Variants in TMEM255B observed in about 807,000 individuals in gnomAD.
The protein encoded by TMEM255B is family with sequence similarity 70, member B.
A neutral mutation model predicts 34.5 loss-of-function variants in TMEM255B; 35 were observed. The ratio of observed to expected loss-of-function variants is 1.01; its 90% confidence interval spans 0.77 to 1.34. The LOEUF (loss-of-function observed/expected upper bound fraction) is 1.34, where lower values mean the gene tolerates loss of function less well. TMEM255B is among the 40% of genes most tolerant of loss of function. The pLI is 0.00. For missense variants in TMEM255B, 432 were observed against 433.2 expected, an observed-to-expected ratio of 1.00 and a Z score of 0.02; for synonymous variants, 206 against 201.2, an observed-to-expected ratio of 1.02 and a Z score of -0.20.
intron 1 of TMEM255B, 21 bp downstream of exon 1, chr13:113,759,336 T>C (rs2050253474): frequency 1.6e-6 from 2 of 1,229,046 alleles, no homozygotes; most frequent in Non-Finnish European, 2.0e-6. Flanking sequence ...GGCTGGGGGC[T>C]CGTCTCGGCT....
intron 8 of TMEM255B, among the ~76,000 whole-genome samples, chr13:113,807,175 G>A (rs547402562): frequency 2.7e-4 from 41 of 152,332 alleles, no homozygotes; most frequent in Non-Finnish European, 2.2e-4. Flanking sequence ...GAGACAGTGA[G>A]GCTTTGTGGA....
intron 3 of TMEM255B, among the ~76,000 whole-genome samples, chr13:113,792,486 C>G (rs1235413106): frequency 6.6e-6 from 1 of 152,216 alleles, no homozygotes; most frequent in East Asian, 1.9e-4. Flanking sequence ...TGAGGAAATT[C>G]TGTTTATTCT....
rs182385097 is a variant in TMEM255B at position 113,795,452 on chromosome 13, A to T, written c.342+215A>T. Among the ~76,000 whole-genome samples, 71 of 151,842 alleles carry T rather than the reference A, an allele frequency of 4.7e-4. No individual in the cohort carries two copies. In the East Asian group the frequency reaches 0.011, roughly 23 times the overall value. On this transcript the variant is annotated intron_variant, in intron 4 of 8. Coordinates refer to ENST00000375353, the MANE Select transcript of TMEM255B (RefSeq NM_182614.4). ...ACAGACTACACACACCACACAACAC[A>T]CAGAGCACACAGCACACACCACAAC...
chr13:113,777,269 T>C (rs2050594596), intron 3 of TMEM255B, among the ~76,000 whole-genome samples: 1 of 151,954 alleles, frequency 6.6e-6, no homozygotes, highest in Non-Finnish European at 1.5e-5. Flanking sequence ...CCCTCTCCTC[T>C]ATCTCTCTGT....
chr13:113,780,492 T>A (rs1461444342), intron 3 of TMEM255B, among the ~76,000 whole-genome samples: 1 of 152,212 alleles, frequency 6.6e-6, no homozygotes, highest in Non-Finnish European at 1.5e-5. Context: ...AAGCTGTCAA[T>A]AGCTCGCAAG....
At chr13:113,800,547 C>T (rs116516694) in intron 5 of TMEM255B, among the ~76,000 whole-genome samples, 2,224 of 152,222 alleles carry the variant, frequency 0.015, 50 homozygotes, top group South Asian at 0.048. Context: ...CCTGATATTT[C>T]CCTCTGCTCC....
Position 113,799,330 on chromosome 13 carries a change from T to C in TMEM255B, c.343-9T>C. The C allele has an allele frequency of 6.2e-7, 1 of 1,613,752 alleles. No homozygotes were observed. The highest frequency in any genetic ancestry group is 8.5e-7 in the Non-Finnish European group (1 of 1,179,954). ...GTTTTATTCCATCTGTGTTTATCTG[T>C]TTCTCTAGGAACCGAGGCCCCTCAC... is the stretch of plus-strand genomic sequence containing the variant. On this transcript the variant is annotated splice_polypyrimidine_tract_variant and intron_variant, in intron 4 of 8. Coordinates refer to ENST00000375353, the MANE Select transcript of TMEM255B (RefSeq NM_182614.4).
intron 3 of TMEM255B, among the ~76,000 whole-genome samples, chr13:113,792,417 A>AG (rs1201700084): frequency 1.3e-5 from 2 of 152,116 alleles, no homozygotes; most frequent in African/African-American, 4.8e-5. Flanking sequence ...CCTCTGCCCC[A>AG]CCTCAGTGGG....
rs2050758054 is a variant in TMEM255B, at chr13:113,787,106, A to G, written c.253-8042A>G. On this transcript the variant is annotated intron_variant, in intron 3 of 8. Transcript: ENST00000375353. ...AACATGTGAAAATATGTCATAATTA[A>G]ATAATTTTAAAATTTTGTCTCTAAT... is the stretch of plus-strand genomic sequence containing the variant. Among the ~76,000 whole-genome samples, 3 of 152,214 alleles carry G rather than the reference A, an allele frequency of 2.0e-5. No homozygotes were observed. In the South Asian group the frequency reaches 6.2e-4, roughly 32 times the overall value.
chr13:113,786,692 A>G (rs7399902), intron 3 of TMEM255B, among the ~76,000 whole-genome samples: 61,910 of 152,012 alleles, frequency 0.41, 14,593 homozygotes, highest in East Asian at 0.72. Flanking sequence ...CATCACCGTC[A>G]TCACTGTCGT....
At chr13:113,793,594 C>T (rs1286568585) in intron 3 of TMEM255B, among the ~76,000 whole-genome samples, 1 of 152,256 alleles carries the variant, frequency 6.6e-6, no homozygotes, top group Admixed American at 6.5e-5. Flanking sequence ...GGCCCGCTGC[C>T]CCAGCCCTAC....
intron 4 of TMEM255B, among the ~76,000 whole-genome samples, chr13:113,795,863 A>AAG (rs2050918584): frequency 7.6e-6 from 1 of 131,818 alleles, no homozygotes. Flanking sequence ...CACACACCAT[A>AAG]AGAGTACACA....
chr13:113,793,120 G>A (rs1472315476), intron 3 of TMEM255B, among the ~76,000 whole-genome samples: 1 of 152,236 alleles, frequency 6.6e-6, no homozygotes, highest in Non-Finnish European at 1.5e-5. Context: ...GCCTGGGGAG[G>A]TGGAGGGGGG....
At chr13:113,786,252 A>G (rs1041995675) in intron 3 of TMEM255B, among the ~76,000 whole-genome samples, 10 of 151,658 alleles carry the variant, frequency 6.6e-5, no homozygotes, top group Admixed American at 3.9e-4. Context: ...CATCATCACC[A>G]TCCTGTCATC....
At chr13:113,782,237 A>G (rs1418811986) in intron 3 of TMEM255B, among the ~76,000 whole-genome samples, 2 of 152,174 alleles carry the variant, frequency 1.3e-5, no homozygotes, top group Non-Finnish European at 2.9e-5. Flanking sequence ...TAAGCTTTGA[A>G]TTAGACACAA....
intron 3 of TMEM255B, among the ~76,000 whole-genome samples, chr13:113,790,790 G>A (rs1364199749): frequency 9.4e-6 from 1 of 106,146 alleles, no homozygotes; most frequent in Admixed American, 9.7e-5. Flanking sequence ...GACCGGACAC[G>A]TAGACATCCT....
chr13:113,812,879 A>ACAGGCCCCGGGTGGGTCACAGGTCCCGG lies in TMEM255B; in HGVS notation c.*976_*977insCAGGCCCCGGGTGGGTCACAGGTCCCGG, dbSNP rs2051343358. The ACAGGCCCCGGGTGGGTCACAGGTCCCGG allele has an allele frequency of 1.4e-5, 1 of 69,290 alleles. No homozygotes were observed. Among genetic ancestry groups the ACAGGCCCCGGGTGGGTCACAGGTCCCGG allele is most frequent in the African/African-American group, 7.6e-5 (1 of 13,148 alleles). The allele number at this position is 69,290 out of a possible 1,614,324, so 4.3% of individuals were successfully genotyped here. A position where few individuals can be genotyped will look rare whatever the true frequency, so the allele number is the denominator to read the frequency against. ...CATCCCGGGTGGGTCACAGGTCCCG[A>ACAGGCCCCGGGTGGGTCACAGGTCCCGG]GTGGGTCACAGGCCCCGGGTGAGTC... On this transcript the variant is annotated 3_prime_UTR_variant, in exon 9 of 9. Transcript: ENST00000375353.
chr13:113,761,370 G>C (rs2050305873), intron 1 of TMEM255B: 2 of 985,210 alleles, frequency 2.0e-6, no homozygotes, highest in African/African-American at 3.5e-5. Context: ...GTGGGCACAG[G>C]CTCATGTGGT....
Position 113,800,903 on chromosome 13 carries a change from C to T in TMEM255B, c.500C>T (p.Ala167Val). 1 of 1,215,010 alleles carries T rather than the reference C, an allele frequency of 8.2e-7. No individual in the cohort carries two copies. The highest frequency in any genetic ancestry group is 1.1e-6 in the Non-Finnish European group (1 of 885,122). 75.3% of individuals were successfully genotyped at this position (1,215,010 alleles called of 1,614,324 possible). The change falls in exon 6 of 9, where the codon GCC becomes GTC. Residue 167 changes from alanine (A) to valine (V), a missense_variant. Ala to Val is a moderately conservative substitution (Grantham distance 64). Transcript: ENST00000375353. Reference sequence around the variant, plus strand: ...ACCTGTTACTGCTGTGACCTCTATGCCTGCGGGAGGTGAGGGGCACCGGGG... The same window carrying T: ...ACCTGTTACTGCTGTGACCTCTATGTCTGCGGGAGGTGAGGGGCACCGGGG... Reference protein sequence around the residue: ...SNTCYCCDLYACGSAEPSPAY... With the variant: ...SNTCYCCDLYVCGSAEPSPAY...
Sources: gnomAD v4.1 joint callset for allele counts (sites outside exome capture counted in the v4.1 genomes callset) on GRCh38, gnomAD v4.1.1 for gene constraint, MANE v1.5 for transcripts, NCBI Gene and HGNC (gene_info 2026-07-23, HGNC 2026-07-21) for gene names.